Variants in SEMA3D observed in about 807,000 individuals in gnomAD.
SEMA3D encodes semaphorin 3D.
In SEMA3D, 84 loss-of-function variants were observed where a neutral mutation model predicts 100.1. The observed-to-expected ratio is 0.84, with a 90% CI of 0.70 to 1.01. The LOEUF is 1.01. SEMA3D is among the 50% of genes least tolerant of loss of function. The probability of loss-of-function intolerance (pLI) is 0.00; values close to 1 mark genes in which losing one functional copy is unlikely to be tolerated. For synonymous variants in SEMA3D, 312 were observed against 320.7 expected (o/e 0.97, Z 0.29); for missense variants, 875 against 934.1 (o/e 0.94, Z 0.82).
chr7:85,190,653 C>T (rs191364995), upstream of SEMA3D, among the ~76,000 whole-genome samples: 2 of 152,038 alleles, frequency 1.3e-5, no homozygotes, highest in Non-Finnish European at 2.9e-5. Flanking sequence ...GAAAAAAACA[C>T]ACCTGACTTT....
At chr7:85,160,315 A>G (rs1790712805) in intron 1 of SEMA3D, among the ~76,000 whole-genome samples, 1 of 152,116 alleles carries the variant, frequency 6.6e-6, no homozygotes, top group Non-Finnish European at 1.5e-5. Flanking sequence ...AGGACTGGGA[A>G]GATAATGGGT....
intron 17 of SEMA3D, among the ~76,000 whole-genome samples, chr7:85,012,147 T>A (rs910804907): frequency 2.0e-5 from 3 of 151,888 alleles, no homozygotes; most frequent in Admixed American, 6.6e-5. Flanking sequence ...ATTCTGTGAT[T>A]AATTTTTCTA....
chr7:85,210,983 A>G, the SEMA3D span, among the ~76,000 whole-genome samples: 24 of 152,176 alleles, frequency 1.6e-4, no homozygotes, highest in African/African-American at 5.8e-4. Context: ...TGGAGAGAAA[A>G]TGGTAAATAA....
chr7:85,168,319 T>G (rs1282646580), intron 1 of SEMA3D, among the ~76,000 whole-genome samples: 1 of 151,852 alleles, frequency 6.6e-6, no homozygotes, highest in Admixed American at 6.6e-5. Flanking sequence ...CCAAGCAATA[T>G]CTAACAGCAA....
chr7:85,020,183 G>A (rs372303663), intron 14 of SEMA3D, 50 bp downstream of exon 14: 15 of 1,217,058 alleles, frequency 1.2e-5, no homozygotes, highest in African/African-American at 1.0e-4. Flanking sequence ...TATAACAAGC[G>A]CTACTCAGTT....
At chr7:85,169,931 G>T (rs1232273024) in intron 1 of SEMA3D, among the ~76,000 whole-genome samples, 1 of 151,558 alleles carries the variant, frequency 6.6e-6, no homozygotes, top group Admixed American at 6.6e-5. Flanking sequence ...TATTTATTTT[G>T]ATGTGTGAAT....
chr7:85,228,264 A>G, the SEMA3D span, among the ~76,000 whole-genome samples: 1 of 152,176 alleles, frequency 6.6e-6, no homozygotes, highest in Non-Finnish European at 1.5e-5. Context: ...CTACAAAGTC[A>G]TGGTTAAATA....
chr7:85,041,905 G>A, intron 10 of SEMA3D: 2 of 422,426 alleles, frequency 4.7e-6, no homozygotes, highest in South Asian at 9.6e-5. Flanking sequence ...TAGTTCCAGA[G>A]CTCACACCTT....
chr7:85,060,941 C>T (rs956272358), intron 8 of SEMA3D, among the ~76,000 whole-genome samples: 3 of 152,088 alleles, frequency 2.0e-5, no homozygotes, highest in African/African-American at 7.2e-5. Context: ...GCATCTGAGG[C>T]GTTATTGTTC....
the SEMA3D span, among the ~76,000 whole-genome samples, chr7:85,196,116 T>A: frequency 6.6e-6 from 1 of 152,184 alleles, no homozygotes; most frequent in Non-Finnish European, 1.5e-5. Context: ...GAATGATGAA[T>A]GAAATATTAA....
At chr7:85,123,409 A>C (rs1174022072) in intron 2 of SEMA3D, among the ~76,000 whole-genome samples, 1 of 152,172 alleles carries the variant, frequency 6.6e-6, no homozygotes. Context: ...CATTCAAAAT[A>C]AATATTTTAT....
At chr7:85,156,638 A>G (rs1368939467) in intron 1 of SEMA3D, among the ~76,000 whole-genome samples, 1 of 152,146 alleles carries the variant, frequency 6.6e-6, no homozygotes, top group Non-Finnish European at 1.5e-5. Flanking sequence ...TCTCCTTATG[A>G]GTTGCTTACA....
intron 1 of SEMA3D, among the ~76,000 whole-genome samples, chr7:85,171,331 T>A (rs1389255250): frequency 1.3e-5 from 2 of 151,804 alleles, no homozygotes; most frequent in African/African-American, 2.4e-5. Flanking sequence ...GTGAACAAAG[T>A]CTATAGAGAG....
chr7:85,176,019 T>A (rs868816594), intron 1 of SEMA3D, among the ~76,000 whole-genome samples: 1 of 152,010 alleles, frequency 6.6e-6, no homozygotes, highest in Non-Finnish European at 1.5e-5. Flanking sequence ...AGTACTCTCA[T>A]TATGATTAAG....
chr7:85,118,153 T>G (rs1789299211), intron 3 of SEMA3D, among the ~76,000 whole-genome samples: 1 of 152,068 alleles, frequency 6.6e-6, no homozygotes, highest in South Asian at 2.1e-4. Context: ...ATGCAGTAAG[T>G]TTTTAATTTC....
At chr7:85,043,649 G>C (rs1335685061) in intron 9 of SEMA3D, among the ~76,000 whole-genome samples, 1 of 152,042 alleles carries the variant, frequency 6.6e-6, no homozygotes, top group Non-Finnish European at 1.5e-5. Flanking sequence ...GTTGTGGGAG[G>C]GACTCTGTGG....
At chr7:85,108,635 T>C (rs1359216594) in intron 3 of SEMA3D, among the ~76,000 whole-genome samples, 59 of 152,066 alleles carry the variant, frequency 3.9e-4, no homozygotes, top group Non-Finnish European at 2.1e-4. Context: ...TAAAATACAC[T>C]GTGCCCCTGT....
intron 8 of SEMA3D, among the ~76,000 whole-genome samples, chr7:85,063,288 A>G (rs1434187724): frequency 2.6e-5 from 4 of 152,158 alleles, no homozygotes; most frequent in Non-Finnish European, 4.4e-5. Context: ...GTAAAAGAAC[A>G]GGAGCAAACT....
At chr7:85,238,484 T>C in the SEMA3D span, among the ~76,000 whole-genome samples, 1 of 152,182 alleles carries the variant, frequency 6.6e-6, no homozygotes, top group African/African-American at 2.4e-5. Flanking sequence ...TTGCCTTTGC[T>C]CTTTCGTCAA....
Sources: gnomAD v4.1 joint callset for allele counts (sites outside exome capture counted in the v4.1 genomes callset) on GRCh38, gnomAD v4.1.1 for gene constraint, MANE v1.5 for transcripts, NCBI Gene and HGNC (gene_info 2026-07-23, HGNC 2026-07-21) for gene names.